The following EPHA6 variants were observed in gnomAD, a reference collection of about 807,000 sequenced individuals.
The protein encoded by EPHA6 is ephrin type-A receptor 6.
EPHA6 carries 50 observed loss-of-function variants against 112.0 expected under a neutral mutation model. That is an observed-to-expected ratio of 0.45 (90% CI 0.36 to 0.56). The LOEUF (loss-of-function observed/expected upper bound fraction) is 0.56. Ranked by LOEUF, EPHA6 falls within the 20% of genes least tolerant of loss-of-function variation. The pLI, the probability that EPHA6 is intolerant of heterozygous loss-of-function variation, is 0.00. For synonymous variants in EPHA6, 529 were observed against 490.7 expected (o/e 1.08, Z -1.03); for missense variants, 1,280 against 1,417.4 (o/e 0.90, Z 1.56).
At chr3:97,719,272 A>G (rs1447177451) in intron 14 of EPHA6, among the ~76,000 whole-genome samples, 3 of 152,048 alleles carry the variant, frequency 2.0e-5, no homozygotes, top group East Asian at 3.9e-4. Context: ...GATCATGGAC[A>G]ATGTTGAAAC....
intron 10 of EPHA6, among the ~76,000 whole-genome samples, chr3:97,531,636 C>T (rs2092696141): frequency 6.6e-6 from 1 of 152,048 alleles, no homozygotes; most frequent in Non-Finnish European, 1.5e-5. Flanking sequence ...AATTCTCCTA[C>T]CAGATTATAA....
intron 3 of EPHA6, among the ~76,000 whole-genome samples, chr3:96,996,952 C>T (rs1417861326): frequency 1.3e-5 from 2 of 152,004 alleles, no homozygotes; most frequent in East Asian, 1.9e-4. Flanking sequence ...TAAATGTGGC[C>T]ACCTTCCTCA....
intron 14 of EPHA6, among the ~76,000 whole-genome samples, chr3:97,673,216 A>G (rs1316784267): frequency 2.6e-5 from 4 of 152,172 alleles, no homozygotes; most frequent in Admixed American, 6.6e-5. Flanking sequence ...CAAAAATTCA[A>G]TTCTGAGATA....
At chr3:97,574,272 C>A (rs2093361941) in intron 11 of EPHA6, among the ~76,000 whole-genome samples, 1 of 152,046 alleles carries the variant, frequency 6.6e-6, no homozygotes, top group Non-Finnish European at 1.5e-5. Context: ...TAATAGAATG[C>A]TAATACCATA....
At chr3:97,337,961 A>C (rs1370626913) in intron 5 of EPHA6, among the ~76,000 whole-genome samples, 1 of 152,162 alleles carries the variant, frequency 6.6e-6, no homozygotes, top group Non-Finnish European at 1.5e-5. Context: ...GGCCATGCTA[A>C]ATTAGAGATA....
intron 5 of EPHA6, among the ~76,000 whole-genome samples, chr3:97,342,310 G>C (rs189621030): frequency 2.6e-5 from 4 of 152,146 alleles, no homozygotes; most frequent in Non-Finnish European, 5.9e-5. Flanking sequence ...AAATTTTACA[G>C]TGTGATGAGT....
intron 14 of EPHA6, among the ~76,000 whole-genome samples, chr3:97,711,186 C>T (rs2033948848): frequency 6.6e-6 from 1 of 152,122 alleles, no homozygotes; most frequent in African/African-American, 2.4e-5. Flanking sequence ...AGTTTCCCTT[C>T]ACAAGCTCTC....
chr3:97,256,021 A>C (rs2079299311), intron 5 of EPHA6, among the ~76,000 whole-genome samples: 1 of 152,124 alleles, frequency 6.6e-6, no homozygotes, highest in Non-Finnish European at 1.5e-5. Context: ...ATCAAAATGC[A>C]TTAGGTTTCT....
At chr3:97,113,477 A>G (rs527344415) in intron 3 of EPHA6, among the ~76,000 whole-genome samples, 1 of 152,220 alleles carries the variant, frequency 6.6e-6, no homozygotes, top group Non-Finnish European at 1.5e-5. Flanking sequence ...GACAAGTCAT[A>G]GTTGTGGGCT....
At chr3:97,366,097 G>C (rs1358345382) in intron 5 of EPHA6, among the ~76,000 whole-genome samples, 1 of 152,050 alleles carries the variant, frequency 6.6e-6, no homozygotes, top group Admixed American at 6.5e-5. Flanking sequence ...ATTCTGTACG[G>C]TATTGTTGTT....
At chr3:97,614,863 G>T (rs1328414644) in intron 13 of EPHA6, among the ~76,000 whole-genome samples, 1 of 152,052 alleles carries the variant, frequency 6.6e-6, no homozygotes, top group South Asian at 2.1e-4. Context: ...TACAGAGGAG[G>T]AACAGGATGG....
At chr3:97,366,684 T>C (rs1177953169) in intron 5 of EPHA6, among the ~76,000 whole-genome samples, 4 of 151,800 alleles carry the variant, frequency 2.6e-5, no homozygotes, top group Non-Finnish European at 2.9e-5. Flanking sequence ...TGATAGTGAG[T>C]AAAGCCAAGA....
rs1202792443 is a variant in EPHA6, at chr3:97,637,979, C to T, written c.2681C>T (p.Ala894Val). The T allele has an allele frequency of 1.9e-6, 3 of 1,613,622 alleles. No individual in the cohort carries two copies. Among genetic ancestry groups the T allele is most frequent in the Non-Finnish European group, 2.5e-6 (3 of 1,179,742 alleles). Residue 894 changes from alanine (A) to valine (V), a missense_variant, in exon 14 of 18, where the codon GCG becomes GTG. Physicochemically the swap from Ala to Val is moderately conservative, Grantham distance 64 (BLOSUM62 0). This residue lies in a region of EPHA6 where 878 missense variants were observed against 999.7 expected (regional missense o/e 0.88). Transcript: ENST00000389672. Reference protein sequence around the residue: ...SDMGYVHRDLAARNILVNSNL... With the variant: ...SDMGYVHRDLVARNILVNSNL... ...ATGGGTTATGTTCATCGAGACCTAGCGGCTCGGAATATACTGGTCAATAGC... is the reference window on the plus strand; with the variant it reads ...ATGGGTTATGTTCATCGAGACCTAGTGGCTCGGAATATACTGGTCAATAGC...
chr3:97,119,803 G>A (rs1262385165), intron 3 of EPHA6, among the ~76,000 whole-genome samples: 3 of 151,868 alleles, frequency 2.0e-5, no homozygotes, highest in East Asian at 1.9e-4. Flanking sequence ...AATGGTTTAT[G>A]GTAAACTCTG....
intron 1 of EPHA6, among the ~76,000 whole-genome samples, chr3:96,863,486 C>G (rs1375532572): frequency 6.6e-6 from 1 of 151,810 alleles, no homozygotes; most frequent in South Asian, 2.1e-4. Flanking sequence ...ATTCACCTGT[C>G]TGAAATGCAA....
intron 1 of EPHA6, among the ~76,000 whole-genome samples, chr3:96,825,635 C>G (rs78087588): frequency 0.029 from 4,324 of 151,710 alleles, 210 homozygotes; most frequent in African/African-American, 0.097. Flanking sequence ...TTTGATAGAG[C>G]CTTTATTTTT....
chr3:96,893,637 A>T (rs2038103663), intron 2 of EPHA6, among the ~76,000 whole-genome samples: 1 of 152,236 alleles, frequency 6.6e-6, no homozygotes, highest in Non-Finnish European at 1.5e-5. Flanking sequence ...GTATCTGCTC[A>T]TTGAAAGCAG....
chr3:97,381,729 A>G, intron 5 of EPHA6, among the ~76,000 whole-genome samples: 1 of 152,138 alleles, frequency 6.6e-6, no homozygotes, highest in East Asian at 1.9e-4. Flanking sequence ...ACATTTTGTC[A>G]TGACTTAAAA....
chr3:97,314,841 A>T (rs2081738265), intron 5 of EPHA6, among the ~76,000 whole-genome samples: 1 of 151,678 alleles, frequency 6.6e-6, no homozygotes, highest in Admixed American at 6.6e-5. Context: ...GACACATACT[A>T]GTCATCAATA....
Sources: gnomAD v4.1 joint callset for allele counts (sites outside exome capture counted in the v4.1 genomes callset) on GRCh38, gnomAD v4.1.1 for gene constraint, gnomAD v4.1.1 regional missense constraint, MANE v1.5 for transcripts, NCBI Gene and HGNC (gene_info 2026-07-23, HGNC 2026-07-21) for gene names.